RHD: variants seen among roughly 807,000 people sequenced by gnomAD.
The protein encoded by RHD is Rh blood group D antigen.
In RHD, 16 loss-of-function variants were observed where a neutral mutation model predicts 45.5. That is an observed-to-expected ratio of 0.35 (90% CI 0.24 to 0.53). The LOEUF (loss-of-function observed/expected upper bound fraction) is 0.53. RHD is among the 20% of genes least tolerant of loss of function. The pLI is 0.92. For missense variants in RHD, 306 were observed against 532.0 expected (o/e 0.58, Z 4.18); for synonymous variants, 131 against 217.5 (o/e 0.60, Z 3.50).
At chr1:25,274,576 T>C (rs1481565437) in intron 1 of RHD, among the ~76,000 whole-genome samples, 1 of 132,520 alleles carries the variant, frequency 7.5e-6, no homozygotes, top group East Asian at 1.9e-4. Flanking sequence ...CCCAGCCAGG[T>C]CTTGAAGGCT....
At position 25,292,417 on chromosome 1, in the gene RHD, A is replaced by G. The variant is rs1237188096; in HGVS notation, c.486+1626A>G. The stretch of plus-strand genomic sequence containing the variant: ...CTCAGACTAGGACAATAGCTGTGAG[A>G]GTGATGGGAAGTGGTTGGATCCTGA... On this transcript the variant is annotated intron_variant, in intron 3 of 9. Transcript: ENST00000328664. Among the ~76,000 whole-genome samples the G allele has an allele frequency of 4.5e-5, 6 of 132,316 alleles. 2 individuals are homozygous for G. Among genetic ancestry groups the G allele is most frequent in the Non-Finnish European group, 1.1e-4 (6 of 55,828 alleles). The allele number at this position is 132,316 out of a possible 152,430, so 86.8% of individuals were successfully genotyped here. A position where few individuals can be genotyped will look rare whatever the true frequency, so the allele number is the denominator to read the frequency against.
At position 25,276,689 on chromosome 1, in the gene RHD, G is replaced by C. The variant is rs1393395760; in HGVS notation, c.148+3994G>C. On this transcript the variant is annotated intron_variant, in intron 1 of 9. Coordinates refer to ENST00000328664, the MANE Select transcript of RHD (RefSeq NM_016124.6). Reference sequence around the variant, plus strand: ...GGATTGTACCACTTCACTCCAGCATGGGCGACAGAGCAAGACCCTGTCTCA... The same window carrying C: ...GGATTGTACCACTTCACTCCAGCATCGGCGACAGAGCAAGACCCTGTCTCA... Among the ~76,000 whole-genome samples, 3 of 130,860 alleles carry C rather than the reference G, an allele frequency of 2.3e-5. 1 individual carries two copies. The highest frequency in any genetic ancestry group is 7.9e-5 in the African/African-American group (3 of 38,190). 85.8% of individuals were successfully genotyped at this position (130,860 alleles called of 152,430 possible). A position where few individuals can be genotyped will look rare whatever the true frequency, so the allele number is the denominator to read the frequency against.
At position 25,311,281 on chromosome 1, in the gene RHD, TC is replaced by T. The variant is rs1393556279; in HGVS notation, c.1073+4553del. On this transcript the variant is annotated intron_variant, in intron 7 of 9. Coordinates refer to ENST00000328664, the MANE Select transcript of RHD (RefSeq NM_016124.6). ...TTATGGAAGGCAGAAAATCTGTAGG[TC>T]AGCCATGTTGTAGGGAATGAAAGAA... Among the ~76,000 whole-genome samples the T allele has an allele frequency of 1.5e-5, 2 of 130,980 alleles. 1 individual carries two copies. The highest frequency in any genetic ancestry group is 3.6e-5 in the Non-Finnish European group (2 of 54,930). The allele number at this position is 130,980 out of a possible 152,430, so 85.9% of individuals were successfully genotyped here.
At chr1:25,324,741 C>T (rs1236026902) in intron 9 of RHD, among the ~76,000 whole-genome samples, 2 of 149,544 alleles carry the variant, frequency 1.3e-5, no homozygotes, top group East Asian at 3.9e-4. Flanking sequence ...CACAACAGCC[C>T]TGCATAAAAG....
At chr1:25,309,978 TAAAA>T (rs956074682) in intron 7 of RHD, among the ~76,000 whole-genome samples, 1 of 132,174 alleles carries the variant, frequency 7.6e-6, no homozygotes, top group East Asian at 2.0e-4. Flanking sequence ...ACTTATTACT[TAAAA>T]AAACCCCAAA....
chr1:25,288,882 G>A (rs1428184405), intron 2 of RHD, among the ~76,000 whole-genome samples: 1 of 131,354 alleles, frequency 7.6e-6, no homozygotes, highest in African/African-American at 2.6e-5. Context: ...AACCTGTCCA[G>A]GCACGATGGA....
At position 25,314,269 on chromosome 1, in the gene RHD, T is replaced by C. The variant is rs183095916; in HGVS notation, c.1074-2731T>C. Among the ~76,000 whole-genome samples the C allele has an allele frequency of 2.3e-4, 31 of 133,148 alleles. 3 individuals are homozygous for C. In the East Asian group the frequency reaches 4.7e-3, roughly 20 times the overall value. 87.4% of individuals were successfully genotyped at this position (133,148 alleles called of 152,430 possible). A position where few individuals can be genotyped will look rare whatever the true frequency, so the allele number is the denominator to read the frequency against. ...TGGTGTTTTCCTTCTTTTTGATTAG[T>C]CATTTAGCAATCAAACCTATTGTTT... On this transcript the variant is annotated intron_variant, in intron 7 of 9. Coordinates refer to ENST00000328664, the MANE Select transcript of RHD (RefSeq NM_016124.6).
Position 25,299,360 on chromosome 1 carries a change from G to A in RHD, c.487-1586G>A, listed in dbSNP as rs1291203449. On this transcript the variant is annotated intron_variant, in intron 3 of 9. Transcript: ENST00000328664. ...TGGCACCAGTGCACTCTAGCCTGGCGACAGAGTGAGACTCCGTCTCAAAAA... is the reference window on the plus strand; with the variant it reads ...TGGCACCAGTGCACTCTAGCCTGGCAACAGAGTGAGACTCCGTCTCAAAAA... Among the ~76,000 whole-genome samples, 8 of 130,802 alleles carry A rather than the reference G, an allele frequency of 6.1e-5. 1 individual carries two copies. Among genetic ancestry groups the A allele is most frequent in the Admixed American group, 2.2e-4 (3 of 13,444 alleles). 85.8% of individuals were successfully genotyped at this position (130,802 alleles called of 152,430 possible).
In RHD at chr1:25,320,214, T is replaced by G; in HGVS notation, c.1154-1675T>G. Among the ~76,000 whole-genome samples the G allele has an allele frequency of 1.5e-5, 2 of 132,088 alleles. 1 individual carries two copies. The highest frequency in any genetic ancestry group is 3.6e-5 in the Non-Finnish European group (2 of 55,826). The allele number at this position is 132,088 out of a possible 152,430, so 86.7% of individuals were successfully genotyped here. On this transcript the variant is annotated intron_variant, in intron 8 of 9. Coordinates refer to ENST00000328664, the MANE Select transcript of RHD (RefSeq NM_016124.6). ...CGACCGGCCGACAAATTCTTAAAAC[T>G]GGACACAAGAACACAAAACGCTTGG...
At chr1:25,284,495 A>C (rs1641782826) in intron 1 of RHD, 78 bp from the exon 2 acceptor site, 6 of 1,249,598 alleles carry the variant, frequency 4.8e-6, no homozygotes, top group Non-Finnish European at 6.9e-6. Context: ...GCTGCCATTT[A>C]GTAAGACTCT....
rs1461222822 is a variant in RHD at position 25,316,033 on chromosome 1, G to C, written c.1074-967G>C. Among the ~76,000 whole-genome samples, 7 of 131,220 alleles carry C rather than the reference G, an allele frequency of 5.3e-5. 2 individuals are homozygous for C. Among genetic ancestry groups the C allele is most frequent in the Non-Finnish European group, 9.0e-5 (5 of 55,584 alleles). 86.1% of individuals were successfully genotyped at this position (131,220 alleles called of 152,430 possible). On this transcript the variant is annotated intron_variant, in intron 7 of 9. Coordinates refer to ENST00000328664, the MANE Select transcript of RHD (RefSeq NM_016124.6). The stretch of plus-strand genomic sequence containing the variant: ...GCCCACCTGTTGAGACAAGAAACAG[G>C]AAAGGCTTAAAAAACTGGCTTGTTA...
At chr1:25,287,779 T>TGGCACAATCATAGCTCATTGCAGC (rs1457601536) in intron 2 of RHD, among the ~76,000 whole-genome samples, 1 of 135,240 alleles carries the variant, frequency 7.4e-6, no homozygotes, top group Non-Finnish European at 1.8e-5. Flanking sequence ...TGGAGTGCAG[T>TGGCACAATCATAGCTCATTGCAGC]GGTACAATCA....
intron 8 of RHD, chr1:25,318,000 C>G (rs1222923262): frequency 7.6e-6 from 1 of 131,094 alleles, no homozygotes; most frequent in African/African-American, 2.6e-5. Context: ...AGGGGAGTTG[C>G]TAATTAGCCA....
Position 25,295,866 on chromosome 1 carries a change from T to G in RHD, c.486+5075T>G, listed in dbSNP as rs1270744006. Among the ~76,000 whole-genome samples the G allele has an allele frequency of 3.5e-4, 37 of 105,128 alleles. 6 individuals are homozygous for G. Among genetic ancestry groups the G allele is most frequent in the Admixed American group, 1.1e-3 (12 of 11,352 alleles). 69.0% of individuals were successfully genotyped at this position (105,128 alleles called of 152,430 possible). ...ATATGGGAAATTTTTTTTTTTTTTT[T>G]TTTTTTTTTTTTTGAGATGGAGTTT... On this transcript the variant is annotated intron_variant, in intron 3 of 9. Transcript: ENST00000328664.
At position 25,284,214 on chromosome 1, in the gene RHD, C is replaced by G. The variant is rs1225604744; in HGVS notation, c.149-359C>G. ...CATATGCAATAACAGCAGCAATGAC[C>G]TTTACTGAGTGTCCATGTGCGTCAA... On this transcript the variant is annotated intron_variant, in intron 1 of 9. Transcript: ENST00000328664. Among the ~76,000 whole-genome samples, 4 of 136,316 alleles carry G rather than the reference C, an allele frequency of 2.9e-5. 1 individual carries two copies. The highest frequency in any genetic ancestry group is 1.0e-4 in the African/African-American group (4 of 39,910). The allele number at this position is 136,316 out of a possible 152,430, so 89.4% of individuals were successfully genotyped here.
In RHD at chr1:25,320,723, G is replaced by C. The variant is rs1644651961; in HGVS notation, c.1154-1166G>C. On this transcript the variant is annotated intron_variant, in intron 8 of 9. Transcript: ENST00000328664. ...TCAGGAAGCTGGAGGAATACATATG[G>C]CCAAGCTATCTGGGCAGAGAGTAGA... Among the ~76,000 whole-genome samples, 2 of 132,084 alleles carry C rather than the reference G, an allele frequency of 1.5e-5. 1 individual carries two copies. The highest frequency in any genetic ancestry group is 3.6e-5 in the Non-Finnish European group (2 of 55,766). 86.7% of individuals were successfully genotyped at this position (132,084 alleles called of 152,430 possible).
intron 7 of RHD, among the ~76,000 whole-genome samples, 193 bp from the exon 8 acceptor site, chr1:25,316,807 G>A (rs1439650964): frequency 1.7e-5 from 1 of 59,210 alleles, no homozygotes; most frequent in Non-Finnish European, 4.6e-5. Flanking sequence ...AATCTCCGTC[G>A]CCTCCCTCCC....
At position 25,329,651 on chromosome 1, in the gene RHD, G is replaced by A. The variant is rs1476145101; in HGVS notation, c.*727G>A. 3.1e-5 allele frequency: 4 copies of A among 129,164 alleles called. No individual in the cohort carries two copies. Among genetic ancestry groups the A allele is most frequent in the African/African-American group, 1.1e-4 (4 of 37,746 alleles). 8.0% of individuals were successfully genotyped at this position (129,164 alleles called of 1,614,324 possible). The stretch of plus-strand genomic sequence containing the variant: ...TTAGATTATACCACTAGAGTCTTCA[G>A]ATTTTTATACTTTTTTTTTTTGAAA... On this transcript the variant is annotated 3_prime_UTR_variant, in exon 10 of 10. Transcript: ENST00000328664.
chr1:25,276,427 A>C lies in RHD; in HGVS notation c.148+3732A>C, dbSNP rs527934912. Among the ~76,000 whole-genome samples the C allele has an allele frequency of 3.2e-5, 4 of 125,962 alleles. No homozygotes were observed. The South Asian group carries it at 7.3e-4, about 23-fold the overall frequency. The allele number at this position is 125,962 out of a possible 152,430, so 82.6% of individuals were successfully genotyped here. On this transcript the variant is annotated intron_variant, in intron 1 of 9. Transcript: ENST00000328664. ...CTGTAATAGTTAATTAAAAAAAAAA[A>C]AAAACACCCTGGCTGAGCATTTAGG...
Sources: allele counts gnomAD v4.1 joint callset (sites outside exome capture counted in the v4.1 genomes callset), GRCh38; gene constraint gnomAD v4.1.1; transcripts MANE v1.5; gene names NCBI Gene and HGNC (gene_info 2026-07-23, HGNC 2026-07-21).